Variants in CSMD1 observed in about 807,000 individuals in gnomAD.
CSMD1 encodes the protein CUB and Sushi multiple domains 1.
Under a neutral mutation model 417.5 loss-of-function variants are expected in CSMD1, and 213 were observed. The observed-to-expected ratio is 0.51, with a 90% CI of 0.46 to 0.57. CSMD1 has a LOEUF of 0.57. Ranked by LOEUF, CSMD1 falls within the 20% of genes least tolerant of loss-of-function variation. The probability of loss-of-function intolerance (pLI) is 0.00; values close to 1 mark genes in which losing one functional copy is unlikely to be tolerated. For synonymous variants in CSMD1, 2,862 were observed against 1,736.8 expected (o/e 1.65, Z -16.11); for missense variants, 6,923 against 4,529.7 (o/e 1.53, Z -15.17).
intron 7 of CSMD1, among the ~76,000 whole-genome samples, chr8:3,684,098 GATATTAT>G (rs1799808516): frequency 6.9e-6 from 1 of 144,656 alleles, no homozygotes; most frequent in African/African-American, 2.5e-5. Context: ...TAAATGTATA[GATATTAT>G]ATATTATATA....
intron 1 of CSMD1, among the ~76,000 whole-genome samples, chr8:4,655,678 G>T (rs924798289): frequency 6.6e-6 from 1 of 151,982 alleles, no homozygotes; most frequent in Non-Finnish European, 1.5e-5. Context: ...TCAATATAAT[G>T]GAAAAGGTAA....
intron 1 of CSMD1, among the ~76,000 whole-genome samples, chr8:4,716,334 T>C (rs1251832622): frequency 6.6e-6 from 1 of 152,186 alleles, no homozygotes; most frequent in Non-Finnish European, 1.5e-5. Context: ...AAATGTCTTC[T>C]TCAAGAGAAA....
At chr8:3,630,433 C>A (rs987579575) in intron 7 of CSMD1, among the ~76,000 whole-genome samples, 2 of 152,128 alleles carry the variant, frequency 1.3e-5, no homozygotes, top group African/African-American at 4.8e-5. Context: ...GCCCAAACCA[C>A]TGAAACTTGA....
At chr8:3,955,327 C>T (rs1272307867) in intron 5 of CSMD1, among the ~76,000 whole-genome samples, 1 of 152,194 alleles carries the variant, frequency 6.6e-6, no homozygotes, top group Non-Finnish European at 1.5e-5. Flanking sequence ...TGGTGAAACT[C>T]CATGTTACGC....
chr8:3,110,066 A>G, intron 43 of CSMD1, 92 bp downstream of exon 43: 1 of 1,077,466 alleles, frequency 9.3e-7, no homozygotes, highest in Non-Finnish European at 1.3e-6. Context: ...AGTTTATTCT[A>G]AATATGTGCC....
chr8:4,286,551 G>C (rs551382037), intron 3 of CSMD1, among the ~76,000 whole-genome samples: 7 of 152,008 alleles, frequency 4.6e-5, no homozygotes, highest in Non-Finnish European at 1.0e-4. Context: ...TTAAGAACAT[G>C]GGCATGATCA....
At chr8:4,639,704 A>T (rs1174580838) in intron 1 of CSMD1, among the ~76,000 whole-genome samples, 1 of 152,186 alleles carries the variant, frequency 6.6e-6, no homozygotes, top group African/African-American at 2.4e-5. Context: ...ATAGAAAATT[A>T]TTTTCAACTA....
At chr8:3,079,156 G>A (rs1391186700) in intron 49 of CSMD1, among the ~76,000 whole-genome samples, 3 of 152,164 alleles carry the variant, frequency 2.0e-5, no homozygotes, top group South Asian at 2.1e-4. Flanking sequence ...CTAAGATTGT[G>A]TGAGGTAGAT....
At chr8:2,990,977 G>C (rs1806336050) in intron 54 of CSMD1, among the ~76,000 whole-genome samples, 1 of 152,166 alleles carries the variant, frequency 6.6e-6, no homozygotes, top group African/African-American at 2.4e-5. Context: ...TTTCCCTTCA[G>C]TTGTAGATTG....
At chr8:4,465,421 G>T (rs185318097) in intron 2 of CSMD1, among the ~76,000 whole-genome samples, 1 of 152,226 alleles carries the variant, frequency 6.6e-6, no homozygotes, top group East Asian at 1.9e-4. Context: ...AAGGAGCCTT[G>T]TACGTTCACC....
intron 12 of CSMD1, among the ~76,000 whole-genome samples, chr8:3,462,905 G>A (rs373734535): frequency 9.9e-5 from 15 of 152,274 alleles, no homozygotes; most frequent in East Asian, 1.9e-4. Flanking sequence ...CCTTTAGAGC[G>A]TGATGACATG....
chr8:3,933,432 T>C (rs962920860), intron 5 of CSMD1, among the ~76,000 whole-genome samples: 7 of 152,126 alleles, frequency 4.6e-5, no homozygotes, highest in East Asian at 1.9e-4. Context: ...AGATAAAACA[T>C]AGACTAAGCA....
chr8:4,423,933 T>G (rs1797400366), intron 2 of CSMD1, among the ~76,000 whole-genome samples: 1 of 152,052 alleles, frequency 6.6e-6, no homozygotes, highest in Admixed American at 6.6e-5. Flanking sequence ...TATCTCCAAT[T>G]TATTTTCAAC....
chr8:4,315,169 T>C (rs1256908362), intron 3 of CSMD1, among the ~76,000 whole-genome samples: 35 of 152,178 alleles, frequency 2.3e-4, no homozygotes, highest in Admixed American at 2.3e-3. Flanking sequence ...CGGAGACAGA[T>C]GACACTTTCT....
chr8:3,269,572 A>C (rs13265565), intron 26 of CSMD1, among the ~76,000 whole-genome samples: 2 of 151,974 alleles, frequency 1.3e-5, no homozygotes, highest in African/African-American at 2.4e-5. Context: ...ACCACTATTT[A>C]CGGAGAAATC....
chr8:4,765,449 C>G (rs558427670), intron 1 of CSMD1, among the ~76,000 whole-genome samples: 1 of 152,110 alleles, frequency 6.6e-6, no homozygotes, highest in Non-Finnish European at 1.5e-5. Context: ...AAGCGTAATT[C>G]AATTAAATGC....
chr8:4,307,273 A>G (rs1044773974), intron 3 of CSMD1, among the ~76,000 whole-genome samples: 6 of 152,092 alleles, frequency 3.9e-5, no homozygotes, highest in Admixed American at 6.6e-5. Flanking sequence ...AGGGCTGTTG[A>G]TATCTCTCAC....
chr8:4,398,880 T>G (rs1206659264), intron 3 of CSMD1, among the ~76,000 whole-genome samples: 1 of 152,220 alleles, frequency 6.6e-6, no homozygotes, highest in Non-Finnish European at 1.5e-5. Flanking sequence ...ATAACTGACA[T>G]TCTCAATAAA....
intron 5 of CSMD1, among the ~76,000 whole-genome samples, chr8:3,870,358 G>C (rs1430109969): frequency 6.6e-6 from 1 of 152,060 alleles, no homozygotes; most frequent in African/African-American, 2.4e-5. Flanking sequence ...TATGTAAAAA[G>C]ACCAGTGCCT....
Sources: gnomAD v4.1 joint callset for allele counts (sites outside exome capture counted in the v4.1 genomes callset) on GRCh38, gnomAD v4.1.1 for gene constraint, MANE v1.5 for transcripts, NCBI Gene and HGNC (gene_info 2026-07-23, HGNC 2026-07-21) for gene names.